PHF14: variants seen among roughly 807,000 people sequenced by gnomAD.
PHF14 encodes PHD finger protein 14.
Under a neutral mutation model 117.9 loss-of-function variants are expected in PHF14, and 55 were observed. The ratio of observed to expected loss-of-function variants is 0.47; its 90% CI spans 0.38 to 0.58. The LOEUF (loss-of-function observed/expected upper bound fraction) is 0.58, where lower values mean the gene tolerates loss of function less well. PHF14 is among the 20% of genes least tolerant of loss of function. The pLI is 0.00. For synonymous variants in PHF14, 409 were observed against 368.6 expected (o/e 1.11, Z -1.26); for missense variants, 978 against 1,122.2 (o/e 0.87, Z 1.84).
intron 3 of PHF14, among the ~76,000 whole-genome samples, chr7:10,990,331 A>T (rs1236263659): frequency 6.6e-6 from 1 of 152,180 alleles, no homozygotes; most frequent in Non-Finnish European, 1.5e-5. Flanking sequence ...CATGTATAGG[A>T]TCAATGATTA....
At chr7:11,135,379 T>G (rs898366759) in intron 17 of PHF14, among the ~76,000 whole-genome samples, 7 of 152,094 alleles carry the variant, frequency 4.6e-5, no homozygotes, top group Admixed American at 4.6e-4. Flanking sequence ...AGAAATGGTT[T>G]TCATTAAGAT....
chr7:10,988,695 A>G (rs941822786), intron 3 of PHF14, among the ~76,000 whole-genome samples: 1 of 152,036 alleles, frequency 6.6e-6, no homozygotes, highest in Non-Finnish European at 1.5e-5. Context: ...TTATCAGTTC[A>G]TGTTCCTCTT....
chr7:10,993,725 G>A (rs960251989), intron 4 of PHF14, among the ~76,000 whole-genome samples: 10 of 152,202 alleles, frequency 6.6e-5, no homozygotes, highest in African/African-American at 2.4e-4. Flanking sequence ...AATTGATAAG[G>A]GGCTGGGTAC....
intron 17 of PHF14, among the ~76,000 whole-genome samples, chr7:11,160,006 C>G (rs1044134853): frequency 2.6e-5 from 4 of 152,160 alleles, no homozygotes; most frequent in Middle Eastern, 3.4e-3. Flanking sequence ...TGTGATTCAT[C>G]CCATCACCCA....
chr7:10,995,440 C>CT (rs1715900343), intron 4 of PHF14, among the ~76,000 whole-genome samples: 1 of 152,212 alleles, frequency 6.6e-6, no homozygotes, highest in Non-Finnish European at 1.5e-5. Flanking sequence ...CTTAGCTAGA[C>CT]ATAAAGGTTC....
chr7:11,081,346 T>C (rs1311614067), intron 16 of PHF14, among the ~76,000 whole-genome samples: 1 of 152,176 alleles, frequency 6.6e-6, no homozygotes, highest in African/African-American at 2.4e-5. Flanking sequence ...ATTCTGAAAT[T>C]AGCTCAATTT....
intron 5 of PHF14, among the ~76,000 whole-genome samples, chr7:11,020,337 A>G (rs1271560051): frequency 6.6e-6 from 1 of 151,772 alleles, no homozygotes. Context: ...CAGTCCTCCC[A>G]CCTCAGCCTT....
chr7:11,102,379 T>C lies in PHF14; in HGVS notation c.2655-8971T>C, dbSNP rs1787123547. ...ATCTATCTCTTTGGACCAGATCATA[T>C]GTTATTTGAATCTACTGTGGTTTGT... On this transcript the variant is annotated intron_variant, in intron 16 of 17. Transcript: ENST00000634607. 4 of 1,172,832 alleles carry C rather than the reference T, an allele frequency of 3.4e-6. No individual in the cohort carries two copies. The East Asian group carries it at 1.0e-4, about 29-fold the overall frequency. The allele number at this position is 1,172,832 out of a possible 1,614,324, so 72.7% of individuals were successfully genotyped here.
At chr7:11,138,827 C>T (rs1473683688) in intron 17 of PHF14, among the ~76,000 whole-genome samples, 1 of 152,156 alleles carries the variant, frequency 6.6e-6, no homozygotes, top group African/African-American at 2.4e-5. Flanking sequence ...ATTTCAGTGT[C>T]ATTTGCTTCA....
At chr7:11,035,557 G>T in intron 7 of PHF14, 83 bp from the exon 8 acceptor site, 1 of 775,882 alleles carries the variant, frequency 1.3e-6, no homozygotes, top group Non-Finnish European at 1.9e-6. Flanking sequence ...CTTTGAAAAG[G>T]AAGTAATATT....
At chr7:11,132,746 C>A (rs1009542216) in intron 17 of PHF14, among the ~76,000 whole-genome samples, 9 of 151,728 alleles carry the variant, frequency 5.9e-5, no homozygotes, top group Non-Finnish European at 1.2e-4. Flanking sequence ...CCCTTTTCTC[C>A]ACCCCCTCAC....
intron 17 of PHF14, among the ~76,000 whole-genome samples, chr7:11,137,710 C>A (rs1263593829): frequency 6.6e-6 from 1 of 150,790 alleles, no homozygotes; most frequent in Non-Finnish European, 1.5e-5. Flanking sequence ...CTCAGCCTCC[C>A]GATTAGGTGG....
At chr7:11,135,997 GAA>G (rs1240573291) in intron 17 of PHF14, among the ~76,000 whole-genome samples, 1 of 152,042 alleles carries the variant, frequency 6.6e-6, no homozygotes, top group African/African-American at 2.4e-5. Context: ...ATTAAAAAAA[GAA>G]AGAGAAGAAA....
At chr7:10,985,668 T>G (rs1287638537) in intron 3 of PHF14, among the ~76,000 whole-genome samples, 1 of 125,794 alleles carries the variant, frequency 7.9e-6, no homozygotes, top group African/African-American at 3.6e-5. Flanking sequence ...TTTTTTTTTT[T>G]TGGAGACAGG....
intron 16 of PHF14, among the ~76,000 whole-genome samples, chr7:11,066,527 G>C (rs1200111243): frequency 6.6e-6 from 1 of 151,962 alleles, no homozygotes; most frequent in Non-Finnish European, 1.5e-5. Flanking sequence ...TTTCTTCTTT[G>C]TTTTCTTCTA....
chr7:11,013,634 A>G (rs574943699), intron 4 of PHF14, 113 bp from the exon 5 acceptor site: 2 of 559,844 alleles, frequency 3.6e-6, no homozygotes, highest in East Asian at 5.6e-5. Flanking sequence ...CTTATAAACC[A>G]TTGGTGTTTC....
intron 17 of PHF14, among the ~76,000 whole-genome samples, chr7:11,158,406 T>A (rs1238585994): frequency 6.6e-6 from 1 of 152,184 alleles, no homozygotes; most frequent in African/African-American, 2.4e-5. Flanking sequence ...ATGTCGCTTC[T>A]CTGTGCATCA....
intron 14 of PHF14, among the ~76,000 whole-genome samples, chr7:11,054,889 C>G (rs1458820492): frequency 6.6e-6 from 1 of 151,696 alleles, no homozygotes; most frequent in Non-Finnish European, 1.5e-5. Context: ...ATAAATTGAT[C>G]AAAGTATAAT....
At chr7:11,035,524 G>A (rs1784294011) in intron 7 of PHF14, 116 bp from the exon 8 acceptor site, 3 of 540,248 alleles carry the variant, frequency 5.6e-6, no homozygotes, top group Non-Finnish European at 6.0e-6. Flanking sequence ...TAATTTATTA[G>A]ATGTAACTAG....
Sources: allele counts gnomAD v4.1 joint callset (sites outside exome capture counted in the v4.1 genomes callset), GRCh38; gene constraint gnomAD v4.1.1; transcripts MANE v1.5; gene names NCBI Gene and HGNC (gene_info 2026-07-23, HGNC 2026-07-21).